The following RNF144A variants were observed in gnomAD, a reference collection of about 807,000 sequenced individuals.
The protein encoded by RNF144A is ring finger protein 144A, also known as E3 ubiquitin-protein ligase RNF144A.
RNF144A carries 11 observed loss-of-function variants against 38.7 expected under a neutral mutation model. The ratio of observed to expected loss-of-function variants is 0.28; its 90% CI spans 0.18 to 0.47. The LOEUF is 0.47. Ranked by LOEUF, RNF144A falls within the 20% of genes least tolerant of loss-of-function variation. The pLI, the probability that RNF144A is intolerant of heterozygous loss-of-function variation, is 0.99. For missense variants in RNF144A, 316 were observed against 377.2 expected, an observed-to-expected ratio of 0.84 and a Z score of 1.34; for synonymous variants, 149 against 143.9, an observed-to-expected ratio of 1.04 and a Z score of -0.25.
intron 3 of RNF144A, among the ~76,000 whole-genome samples, chr2:6,999,146 G>A (rs1305710474): frequency 7.2e-5 from 11 of 152,226 alleles, no homozygotes; most frequent in Admixed American, 2.6e-4. Context: ...TGTGTTCTCC[G>A]AAAGAGGCTG....
chr2:7,056,933 C>T (rs1000593509), intron 6 of RNF144A, among the ~76,000 whole-genome samples: 1 of 152,228 alleles, frequency 6.6e-6, no homozygotes, highest in African/African-American at 2.4e-5. Flanking sequence ...TTCAGCCCCT[C>T]ACCTTGGGGC....
chr2:6,974,703 T>C (rs1280301010), intron 2 of RNF144A, among the ~76,000 whole-genome samples: 3 of 152,228 alleles, frequency 2.0e-5, no homozygotes, highest in Non-Finnish European at 2.9e-5. Flanking sequence ...TCTTAGCTCT[T>C]GACAGGCAGG....
intron 2 of RNF144A, 200 bp from the exon 3 acceptor site, chr2:6,996,716 G>C: frequency 1.8e-6 from 1 of 561,960 alleles, no homozygotes; most frequent in South Asian, 2.2e-5. Context: ...TTGCACCACT[G>C]TACTCCAACC....
At position 6,941,521 on chromosome 2, in the gene RNF144A, G is replaced by A. The variant is rs1665975933; in HGVS notation, c.-12+374G>A. On this transcript the variant is annotated intron_variant, in intron 2 of 8. Transcript: ENST00000320892. This position sits in a 1 kb window ranked among gnomAD's most constrained non-coding sequence, Gnocchi z 6.5. ...CAGAACTCAGTGAGGCAGCACCAGT[G>A]CCTGCTCTCACGAAGATTCTGTGTT... is the stretch of plus-strand genomic sequence containing the variant. Among the ~76,000 whole-genome samples, 1 of 152,224 alleles carries A rather than the reference G, an allele frequency of 6.6e-6. No homozygotes were observed. Among genetic ancestry groups the A allele is most frequent in the Non-Finnish European group, 1.5e-5 (1 of 68,038 alleles).
At chr2:7,005,899 C>T (rs1019424276) in intron 3 of RNF144A, among the ~76,000 whole-genome samples, 10 of 151,220 alleles carry the variant, frequency 6.6e-5, no homozygotes, top group African/African-American at 2.2e-4. Context: ...TGCACCTGCT[C>T]CTTGCATATC....
At chr2:7,017,682 T>C (rs1671229544) in intron 5 of RNF144A, among the ~76,000 whole-genome samples, 1 of 152,236 alleles carries the variant, frequency 6.6e-6, no homozygotes, top group Non-Finnish European at 1.5e-5. Context: ...TAGTTTCCTC[T>C]AGTGTGCCAA....
chr2:6,988,912 G>A (rs1669155701), intron 2 of RNF144A, among the ~76,000 whole-genome samples: 1 of 152,112 alleles, frequency 6.6e-6, no homozygotes, highest in African/African-American at 2.4e-5. Flanking sequence ...GATAATTCAT[G>A]CTACTCTGTT....
chr2:6,952,933 A>T (rs1168131578), intron 2 of RNF144A, among the ~76,000 whole-genome samples: 1 of 152,150 alleles, frequency 6.6e-6, no homozygotes, highest in Admixed American at 6.5e-5. Flanking sequence ...ATGATTTTCA[A>T]AGAAAAACAC....
intron 6 of RNF144A, among the ~76,000 whole-genome samples, chr2:7,023,735 C>T (rs1010249785): frequency 9.2e-5 from 14 of 152,212 alleles, no homozygotes; most frequent in Admixed American, 5.9e-4. Context: ...AATCTTTTCT[C>T]ATGGTCACAC....
chr2:6,922,815 G>C (rs1390637724), intron 1 of RNF144A, among the ~76,000 whole-genome samples: 1 of 152,082 alleles, frequency 6.6e-6, no homozygotes, highest in Non-Finnish European at 1.5e-5. Context: ...TAGTAGAGAC[G>C]GGGTTTCACT....
At chr2:7,028,654 G>A (rs1672080938) in intron 7 of RNF144A, among the ~76,000 whole-genome samples, 1 of 152,228 alleles carries the variant, frequency 6.6e-6, no homozygotes, top group Non-Finnish European at 1.5e-5. Flanking sequence ...TGGAGAATGA[G>A]CTCTTCTCAG....
At chr2:6,979,872 A>T (rs1476627311) in intron 2 of RNF144A, among the ~76,000 whole-genome samples, 1 of 152,238 alleles carries the variant, frequency 6.6e-6, no homozygotes, top group Non-Finnish European at 1.5e-5. Context: ...CCTGAGACTG[A>T]GTAATCCATC....
chr2:6,950,370 T>C (rs763629115), intron 2 of RNF144A, among the ~76,000 whole-genome samples: 20 of 152,362 alleles, frequency 1.3e-4, no homozygotes, highest in Non-Finnish European at 5.9e-5. Context: ...TGTAACTGCA[T>C]TTATTCATTT....
intron 8 of RNF144A, among the ~76,000 whole-genome samples, chr2:7,032,731 T>C (rs916276207): frequency 6.6e-6 from 1 of 152,210 alleles, no homozygotes; most frequent in Non-Finnish European, 1.5e-5. Context: ...GCTAATCACC[T>C]CATGGTAACT....
At chr2:7,027,942 G>A (rs891437885) in intron 7 of RNF144A, among the ~76,000 whole-genome samples, 1 of 138,014 alleles carries the variant, frequency 7.2e-6, no homozygotes, top group Non-Finnish European at 1.5e-5. Context: ...CAGCCACTCC[G>A]CTCCGTTGGA....
chr2:7,028,639 A>G (rs1401098247), intron 7 of RNF144A, among the ~76,000 whole-genome samples: 2 of 152,254 alleles, frequency 1.3e-5, no homozygotes, highest in Non-Finnish European at 2.9e-5. Flanking sequence ...ATGGAGACAT[A>G]CAAATGGAGA....
intron 2 of RNF144A, among the ~76,000 whole-genome samples, chr2:6,965,239 G>A (rs1667585621): frequency 6.6e-6 from 1 of 152,150 alleles, no homozygotes; most frequent in South Asian, 2.1e-4. Flanking sequence ...AGGCTTTTCT[G>A]GGCCTGGAGG....
intron 2 of RNF144A, among the ~76,000 whole-genome samples, chr2:6,957,131 C>T (rs545375870): frequency 6.6e-6 from 1 of 152,288 alleles, no homozygotes; most frequent in African/African-American, 2.4e-5. Context: ...GCTGTTCCCT[C>T]CCCTTGGCCC....
At chr2:7,027,047 G>T (rs1248679503) in intron 7 of RNF144A, among the ~76,000 whole-genome samples, 1 of 152,230 alleles carries the variant, frequency 6.6e-6, no homozygotes, top group Non-Finnish European at 1.5e-5. Flanking sequence ...TGCACGGCCT[G>T]AATCCAGCCA....
Sources: allele counts gnomAD v4.1 joint callset (sites outside exome capture counted in the v4.1 genomes callset), GRCh38; gene constraint gnomAD v4.1.1; non-coding constraint Gnocchi (gnomAD v3.1); transcripts MANE v1.5; gene names NCBI Gene and HGNC (gene_info 2026-07-23, HGNC 2026-07-21).